The following CADPS variants were observed in gnomAD, a reference collection of about 807,000 sequenced individuals.
The protein encoded by CADPS is calcium-dependent secretion activator 1.
A neutral mutation model predicts 167.3 loss-of-function variants in CADPS; 57 were observed. That is an observed-to-expected ratio of 0.34 (90% confidence interval 0.28 to 0.42). The LOEUF (loss-of-function observed/expected upper bound fraction) is 0.42. Among genes scored for constraint, CADPS ranks in the 20% least tolerant of loss-of-function variants. CADPS has a pLI of 1.00. For missense variants in CADPS, 1,414 were observed against 1,738.1 expected (o/e 0.81, Z 3.32); for synonymous variants, 676 against 635.3 (o/e 1.06, Z -0.96).
chr3:62,456,486 A>G (rs1004921791), intron 26 of CADPS, among the ~76,000 whole-genome samples: 6 of 152,178 alleles, frequency 3.9e-5, no homozygotes, highest in Admixed American at 1.3e-4. Context: ...TACAAATGAA[A>G]ATTTGAGATT....
chr3:62,845,411 T>A (rs1369628565), intron 1 of CADPS, among the ~76,000 whole-genome samples: 2 of 152,172 alleles, frequency 1.3e-5, no homozygotes, highest in African/African-American at 4.8e-5. Context: ...GTGTCTCAGT[T>A]CCACTACCTC....
At chr3:62,826,999 C>T (rs1236424118) in intron 1 of CADPS, among the ~76,000 whole-genome samples, 1 of 152,042 alleles carries the variant, frequency 6.6e-6, no homozygotes, top group East Asian at 1.9e-4. Flanking sequence ...TGCTGGGAGC[C>T]AAGAATTTCA....
intron 13 of CADPS, among the ~76,000 whole-genome samples, chr3:62,521,528 T>G (rs1182721461): frequency 2.0e-5 from 3 of 152,202 alleles, no homozygotes; most frequent in Admixed American, 1.3e-4. Flanking sequence ...AAACTAGCTC[T>G]GCATCTTGTT....
chr3:62,749,888 C>CACCGT (rs1359305048), intron 3 of CADPS, among the ~76,000 whole-genome samples: 5 of 152,314 alleles, frequency 3.3e-5, no homozygotes, highest in Non-Finnish European at 7.3e-5. Flanking sequence ...TGTCTACTGC[C>CACCGT]ACCGTGTCTT....
intron 3 of CADPS, among the ~76,000 whole-genome samples, chr3:62,729,651 A>C (rs2152108180): frequency 6.6e-6 from 1 of 152,012 alleles, no homozygotes; most frequent in African/African-American, 2.4e-5. Context: ...GTTGAGTGAG[A>C]ATTAAGTTGT....
At chr3:62,610,631 A>G (rs2149285615) in intron 6 of CADPS, among the ~76,000 whole-genome samples, 1 of 152,264 alleles carries the variant, frequency 6.6e-6, no homozygotes, top group Non-Finnish European at 1.5e-5. Flanking sequence ...TATCAGTCAT[A>G]ATCAGCTTAC....
At chr3:62,595,322 A>G (rs2058754333) in intron 6 of CADPS, among the ~76,000 whole-genome samples, 1 of 152,148 alleles carries the variant, frequency 6.6e-6, no homozygotes, top group African/African-American at 2.4e-5. Context: ...AGAAGCTCCT[A>G]AGTGGTTGTC....
rs555702550 is a variant in CADPS at position 62,836,560 on chromosome 3, G to A, written c.441+38029C>T. On this transcript the variant is annotated intron_variant, in intron 1 of 29. Coordinates refer to ENST00000383710, the MANE Select transcript of CADPS (RefSeq NM_003716.4). ...AGGTTGAGTTGAAGTTAACCCGTGT[G>A]TGTGTGTCTCTACAAAAGCATAAAG... 3.3e-5 allele frequency among the ~76,000 whole-genome samples: 5 copies of A among 152,304 alleles called. No individual in the cohort carries two copies. In the South Asian group the frequency reaches 8.3e-4, roughly 25 times the overall value.
intron 26 of CADPS, among the ~76,000 whole-genome samples, chr3:62,456,532 G>A (rs1576315979): frequency 6.6e-6 from 1 of 151,960 alleles, no homozygotes; most frequent in African/African-American, 2.4e-5. Context: ...AGCACCAAAT[G>A]GAAACTTTCT....
chr3:62,651,442 A>T (rs556205191), intron 4 of CADPS, among the ~76,000 whole-genome samples: 1 of 152,258 alleles, frequency 6.6e-6, no homozygotes, highest in Admixed American at 6.5e-5. Flanking sequence ...TTTTAGTAAA[A>T]TGCAGTCATT....
At chr3:62,729,813 A>G (rs1318435163) in intron 3 of CADPS, among the ~76,000 whole-genome samples, 1 of 151,612 alleles carries the variant, frequency 6.6e-6, no homozygotes, top group Non-Finnish European at 1.5e-5. Flanking sequence ...CCTTCTTTGC[A>G]TCTGTGGTGG....
At chr3:62,767,437 C>T (rs117567526) in intron 1 of CADPS, among the ~76,000 whole-genome samples, 3,483 of 152,184 alleles carry the variant, frequency 0.023, 64 homozygotes, top group South Asian at 0.061. Flanking sequence ...ATAGTTATAG[C>T]TATTCAATAA....
At chr3:62,859,629 C>T (rs1250916325) in intron 1 of CADPS, among the ~76,000 whole-genome samples, 1 of 152,110 alleles carries the variant, frequency 6.6e-6, no homozygotes, top group Non-Finnish European at 1.5e-5. Context: ...ACATAGGCTG[C>T]CTGTGGAAAG....
chr3:62,467,184 C>A, intron 24 of CADPS: 1 of 355,194 alleles, frequency 2.8e-6, no homozygotes, highest in South Asian at 3.9e-5. Context: ...ATATTATATG[C>A]CAGCTCCTTG....
chr3:62,841,365 A>G (rs1577156243), intron 1 of CADPS, among the ~76,000 whole-genome samples: 2 of 152,296 alleles, frequency 1.3e-5, no homozygotes, highest in East Asian at 3.9e-4. Context: ...TTAGAGAGGG[A>G]AAAATTCTTT....
At chr3:62,614,707 T>A (rs2061998015) in intron 6 of CADPS, among the ~76,000 whole-genome samples, 2 of 152,206 alleles carry the variant, frequency 1.3e-5, no homozygotes, top group African/African-American at 2.4e-5. Context: ...AATGTGTACA[T>A]AATGATGTAA....
intron 11 of CADPS, among the ~76,000 whole-genome samples, chr3:62,549,146 ACT>A (rs1398419291): frequency 2.6e-5 from 4 of 152,026 alleles, no homozygotes; most frequent in Non-Finnish European, 4.4e-5. Context: ...AAAGCAAAAG[ACT>A]CTATTTAGAA....
At position 62,602,402 on chromosome 3, in the gene CADPS, T is replaced by C. The variant is rs1200635360; in HGVS notation, c.1326-9654A>G. Among the ~76,000 whole-genome samples the C allele has an allele frequency of 6.6e-6, 1 of 152,138 alleles. No individual in the cohort carries two copies. Among genetic ancestry groups the C allele is most frequent in the Non-Finnish European group, 1.5e-5 (1 of 68,026 alleles). ...CTGGGTGTTAAATTGGTGCGGTTCA[T>C]AAAATTAACTGTGGGCTTTAACAAG... On this transcript the variant is annotated intron_variant, in intron 6 of 29. Transcript: ENST00000383710. The surrounding 1 kb of genome is among the most constrained non-coding windows in gnomAD (Gnocchi z 4.4).
intron 2 of CADPS, among the ~76,000 whole-genome samples, chr3:62,755,622 G>C (rs1352542619): frequency 6.6e-6 from 1 of 152,066 alleles, no homozygotes; most frequent in Non-Finnish European, 1.5e-5. Context: ...TTTTAAAAAG[G>C]CTCCGGTTTA....
Sources: allele counts gnomAD v4.1 joint callset (sites outside exome capture counted in the v4.1 genomes callset), GRCh38; gene constraint gnomAD v4.1.1; non-coding constraint Gnocchi (gnomAD v3.1); transcripts MANE v1.5; gene names NCBI Gene and HGNC (gene_info 2026-07-23, HGNC 2026-07-21).